Variants in SH3D19 observed in about 807,000 individuals in gnomAD.
SH3D19 encodes SH3 domain-containing protein 19.
In SH3D19, 58 loss-of-function variants were observed where a neutral mutation model predicts 112.1. The ratio of observed to expected loss-of-function variants is 0.52; its 90% CI spans 0.42 to 0.64. The LOEUF is 0.64. SH3D19 is among the 30% of genes least tolerant of loss of function. SH3D19 has a pLI of 0.00. For missense variants in SH3D19, 1,090 were observed against 1,263.4 expected (o/e 0.86, Z 2.08); for synonymous variants, 391 against 448.5 (o/e 0.87, Z 1.62).
At chr4:151,254,286 AT>A (rs146365543) in intron 1 of SH3D19, among the ~76,000 whole-genome samples, 5,864 of 140,324 alleles carry the variant, frequency 0.042, 322 homozygotes, top group African/African-American at 0.13. Context: ...TTGAATTATT[AT>A]TTTTTTTATT....
chr4:151,275,474 C>A (rs1257761546), intron 1 of SH3D19, among the ~76,000 whole-genome samples: 2 of 152,144 alleles, frequency 1.3e-5, no homozygotes, highest in African/African-American at 4.8e-5. Flanking sequence ...CTTAAGTGAG[C>A]CTCAGTTGCC....
chr4:151,136,006 C>CAAAACAAAACAA (rs1751765297), intron 14 of SH3D19, among the ~76,000 whole-genome samples: 4 of 152,060 alleles, frequency 2.6e-5, no homozygotes, highest in African/African-American at 9.6e-5. Context: ...CAAAACAAAA[C>CAAAACAAAACAA]AAAACAAAAC....
At chr4:151,210,341 T>G (rs1324874735) in intron 2 of SH3D19, among the ~76,000 whole-genome samples, 1 of 152,100 alleles carries the variant, frequency 6.6e-6, no homozygotes, top group Non-Finnish European at 1.5e-5. Flanking sequence ...GAAAATCATG[T>G]TATGGGAAAA....
intron 1 of SH3D19, among the ~76,000 whole-genome samples, chr4:151,320,520 G>T (rs1730430237): frequency 6.6e-6 from 1 of 152,006 alleles, no homozygotes; most frequent in Non-Finnish European, 1.5e-5. Flanking sequence ...AAATTATAAA[G>T]GAAAAGATTC....
chr4:151,184,581 C>G (rs1488028474), intron 3 of SH3D19, among the ~76,000 whole-genome samples: 1 of 150,678 alleles, frequency 6.6e-6, no homozygotes, highest in Non-Finnish European at 1.5e-5. Context: ...TGTTTCATAT[C>G]CTCCTTCCTC....
intron 2 of SH3D19, among the ~76,000 whole-genome samples, chr4:151,195,613 T>C (rs546983783): frequency 3.3e-5 from 5 of 151,984 alleles, no homozygotes; most frequent in South Asian, 2.1e-4. Flanking sequence ...AGAACATTTA[T>C]ATATTTTTTT....
intron 7 of SH3D19, among the ~76,000 whole-genome samples, chr4:151,174,452 C>G (rs1442759769): frequency 6.6e-6 from 1 of 152,166 alleles, no homozygotes; most frequent in Non-Finnish European, 1.5e-5. Context: ...ACCCCCATCC[C>G]ATATTTTCCC....
At chr4:151,290,597 G>T (rs546565989) in intron 1 of SH3D19, among the ~76,000 whole-genome samples, 25 of 152,298 alleles carry the variant, frequency 1.6e-4, no homozygotes, top group African/African-American at 5.5e-4. Context: ...TGATAAAAAT[G>T]TTCTAAAATG....
At chr4:151,323,369 C>T (rs1387926684) in intron 1 of SH3D19, among the ~76,000 whole-genome samples, 1 of 152,210 alleles carries the variant, frequency 6.6e-6, no homozygotes, top group Non-Finnish European at 1.5e-5. Context: ...AGTTCATACC[C>T]TCTCACTTGG....
At chr4:151,193,442 A>G (rs1762953487) in intron 2 of SH3D19, among the ~76,000 whole-genome samples, 1 of 152,172 alleles carries the variant, frequency 6.6e-6, no homozygotes, top group African/African-American at 2.4e-5. Flanking sequence ...AGTATCAATT[A>G]ACAGAATTTT....
chr4:151,279,781 C>T, intron 1 of SH3D19: 1 of 1,612,810 alleles, frequency 6.2e-7, no homozygotes, highest in African/African-American at 1.3e-5. Context: ...ATTTCCCTTT[C>T]TTCTCTTTCT....
At chr4:151,325,058 G>A (rs1037800230) in intron 1 of SH3D19, among the ~76,000 whole-genome samples, 183 bp downstream of exon 1, 16 of 152,226 alleles carry the variant, frequency 1.1e-4, no homozygotes, top group African/African-American at 3.9e-4. Context: ...AATTTCCTCG[G>A]GCTCGGCCGG....
chr4:151,318,300 C>CAAAA lies in SH3D19; in HGVS notation c.112+6937_112+6940dup, dbSNP rs752720803. The stretch of plus-strand genomic sequence containing the variant: ...TAGGCGACAGAGTGAGACTCTGACT[C>CAAAA]AAAAAAAAAAAAAAAAAAAAAGAAA... On this transcript the variant is annotated intron_variant, in intron 1 of 19. Transcript: ENST00000604030. Among the ~76,000 whole-genome samples the CAAAA allele has an allele frequency of 4.6e-3, 230 of 49,490 alleles. 1 individual carries two copies. The highest frequency in any genetic ancestry group is 0.01 in the Middle Eastern group (1 of 100). 32.5% of individuals were successfully genotyped at this position (49,490 alleles called of 152,430 possible).
chr4:151,290,979 T>C (rs1343118709), intron 1 of SH3D19: 3 of 593,480 alleles, frequency 5.1e-6, no homozygotes, highest in Non-Finnish European at 8.8e-6. Flanking sequence ...CCTAAAGCAG[T>C]GATTAGTCCA....
chr4:151,236,512 A>G (rs1015818316), intron 1 of SH3D19, among the ~76,000 whole-genome samples: 1 of 152,222 alleles, frequency 6.6e-6, no homozygotes, highest in African/African-American at 2.4e-5. Flanking sequence ...AAATGCACCA[A>G]TCAGCACTCT....
intron 1 of SH3D19, among the ~76,000 whole-genome samples, chr4:151,321,792 G>C (rs762751303): frequency 5.3e-5 from 8 of 152,194 alleles, no homozygotes; most frequent in Non-Finnish European, 1.2e-4. Context: ...CCCAGACCAA[G>C]TGATCAGATA....
chr4:151,184,367 G>T (rs1400452659), intron 3 of SH3D19, among the ~76,000 whole-genome samples: 1 of 152,062 alleles, frequency 6.6e-6, no homozygotes, highest in Non-Finnish European at 1.5e-5. Flanking sequence ...TAGGCAAAAA[G>T]AAGAAAACAA....
chr4:151,323,124 C>CA (rs1730715489), intron 1 of SH3D19, among the ~76,000 whole-genome samples: 1 of 151,902 alleles, frequency 6.6e-6, no homozygotes, highest in South Asian at 2.1e-4. Context: ...ATGTAAGTTA[C>CA]AAAAATAAAT....
chr4:151,232,501 G>A (rs956896473), intron 1 of SH3D19, among the ~76,000 whole-genome samples: 3 of 152,134 alleles, frequency 2.0e-5, no homozygotes, highest in African/African-American at 4.8e-5. Flanking sequence ...TTGTTAAAAG[G>A]CCAGCTATTA....
Sources: gnomAD v4.1 joint callset for allele counts (sites outside exome capture counted in the v4.1 genomes callset) on GRCh38, gnomAD v4.1.1 for gene constraint, MANE v1.5 for transcripts, NCBI Gene and HGNC (gene_info 2026-07-23, HGNC 2026-07-21) for gene names.